Variants in SPATA17 observed in about 807,000 individuals in gnomAD.
SPATA17 encodes the protein spermatogenesis-associated protein 17.
Under a neutral mutation model 62.2 loss-of-function variants are expected in SPATA17, and 53 were observed. The ratio of observed to expected loss-of-function variants is 0.85; its 90% confidence interval spans 0.68 to 1.07. SPATA17 has a LOEUF of 1.07. SPATA17 is among the 50% of genes least tolerant of loss of function. The probability of loss-of-function intolerance (pLI) is 0.00; values close to 1 mark genes in which losing one functional copy is unlikely to be tolerated. For synonymous variants in SPATA17, 146 were observed against 146.8 expected (o/e 0.99, Z 0.04); for missense variants, 466 against 425.5 (o/e 1.10, Z -0.84).
chr1:217,855,671 A>C (rs774440667), intron 9 of SPATA17, among the ~76,000 whole-genome samples: 1 of 152,056 alleles, frequency 6.6e-6, no homozygotes, highest in Admixed American at 6.6e-5. Context: ...TGTCAAGTCC[A>C]TAAAGATGGG....
intron 9 of SPATA17, among the ~76,000 whole-genome samples, chr1:217,855,293 A>G (rs2103013870): frequency 6.6e-6 from 1 of 152,304 alleles, no homozygotes; most frequent in South Asian, 2.1e-4. Flanking sequence ...ATCTTTGTAT[A>G]TGAAAATAAT....
chr1:217,650,037 T>C (rs961307034), intron 2 of SPATA17, among the ~76,000 whole-genome samples: 20 of 151,652 alleles, frequency 1.3e-4, no homozygotes, highest in African/African-American at 4.4e-4. Context: ...CCTCCCAGAT[T>C]CAAGCGATTC....
intron 7 of SPATA17, among the ~76,000 whole-genome samples, chr1:217,776,171 C>A (rs541422305): frequency 6.6e-6 from 1 of 152,066 alleles, no homozygotes; most frequent in East Asian, 1.9e-4. Flanking sequence ...GATTGTAGTA[C>A]AACAGGTTTG....
chr1:217,834,497 T>A (rs72730510), intron 9 of SPATA17, among the ~76,000 whole-genome samples: 10,986 of 152,126 alleles, frequency 0.072, 456 homozygotes, highest in East Asian at 0.14. Context: ...CATGACCCTG[T>A]GTAGGCCTAG....
intron 1 of SPATA17, among the ~76,000 whole-genome samples, chr1:217,636,148 A>AAAAAAAGGGTG (rs1669934892): frequency 2.0e-5 from 3 of 148,202 alleles, no homozygotes; most frequent in African/African-American, 7.3e-5. Flanking sequence ...AAAAAAAAAA[A>AAAAAAAGGGTG]AAGGGTGTTT....
chr1:217,829,247 T>TA (rs529928041), intron 9 of SPATA17, among the ~76,000 whole-genome samples: 14 of 152,046 alleles, frequency 9.2e-5, no homozygotes, highest in African/African-American at 1.4e-4. Context: ...ATTATTATTT[T>TA]AAAAAGCTTT....
intron 5 of SPATA17, among the ~76,000 whole-genome samples, chr1:217,727,268 T>TAAG (rs1558581773): frequency 6.7e-6 from 1 of 148,574 alleles, no homozygotes; most frequent in African/African-American, 2.5e-5. Flanking sequence ...ATAATAATAA[T>TAAG]AATAATAATA....
chr1:217,791,686 AG>A (rs1673997568), intron 8 of SPATA17, among the ~76,000 whole-genome samples: 1 of 152,346 alleles, frequency 6.6e-6, no homozygotes, highest in African/African-American at 2.4e-5. Context: ...TCATCAGACA[AG>A]TCATAAAAAG....
At chr1:217,846,847 A>G (rs1675540953) in intron 9 of SPATA17, among the ~76,000 whole-genome samples, 1 of 152,112 alleles carries the variant, frequency 6.6e-6, no homozygotes, top group South Asian at 2.1e-4. Context: ...AGCAACTTAC[A>G]TATAATTCAT....
chr1:217,822,228 T>A (rs1322674057), intron 9 of SPATA17, among the ~76,000 whole-genome samples: 1 of 152,092 alleles, frequency 6.6e-6, no homozygotes, highest in Non-Finnish European at 1.5e-5. Context: ...CTCTACATTC[T>A]CATCAACACT....
At chr1:217,657,712 A>G (rs1670474519) in intron 3 of SPATA17, among the ~76,000 whole-genome samples, 1 of 152,252 alleles carries the variant, frequency 6.6e-6, no homozygotes, top group Non-Finnish European at 1.5e-5. Flanking sequence ...TTAGTAATAG[A>G]ACCTCCTCTA....
chr1:217,724,818 G>T (rs926713546), intron 5 of SPATA17, among the ~76,000 whole-genome samples: 2 of 151,640 alleles, frequency 1.3e-5, no homozygotes, highest in African/African-American at 2.4e-5. Flanking sequence ...GTTTATATTT[G>T]TTCTGTTTGC....
chr1:217,683,471 C>T (rs1671145562), intron 5 of SPATA17, 110 bp downstream of exon 5: 1 of 720,736 alleles, frequency 1.4e-6, no homozygotes, highest in Non-Finnish European at 2.4e-6. Flanking sequence ...TGGAGTCTTG[C>T]TCTGTTGCCC....
chr1:217,649,882 G>A (rs1401221941), intron 2 of SPATA17, among the ~76,000 whole-genome samples: 2 of 148,820 alleles, frequency 1.3e-5, no homozygotes, highest in African/African-American at 5.0e-5. Flanking sequence ...TCCTTATACT[G>A]TCTAGTAAGA....
At chr1:217,840,884 ATAATAG>A (rs1675379253) in intron 9 of SPATA17, among the ~76,000 whole-genome samples, 2 of 151,910 alleles carry the variant, frequency 1.3e-5, no homozygotes, top group African/African-American at 4.8e-5. Flanking sequence ...TAAAATAATA[ATAATAG>A]TAACAATAAT....
intron 6 of SPATA17, among the ~76,000 whole-genome samples, chr1:217,749,969 C>CTATATA: frequency 1.3e-4 from 6 of 46,936 alleles, no homozygotes; most frequent in South Asian, 6.0e-4. Context: ...CTCTCTCTCT[C>CTATATA]TCTCTCTCTC....
intron 9 of SPATA17, among the ~76,000 whole-genome samples, chr1:217,842,171 A>G (rs1431431413): frequency 6.6e-6 from 1 of 151,986 alleles, no homozygotes; most frequent in Non-Finnish European, 1.5e-5. Flanking sequence ...AACTCTAATC[A>G]TGAGATACTT....
chr1:217,781,081 T>C (rs1387239627), intron 7 of SPATA17: 1 of 152,194 alleles, frequency 6.6e-6, no homozygotes, highest in Non-Finnish European at 1.5e-5. Context: ...CCTGTCCAGC[T>C]GTGAAAAGTA....
chr1:217,733,792 C>A lies in SPATA17; in HGVS notation c.396-8183C>A, dbSNP rs202095489. ...TCCTTTCATTTTTTAATGAGAGGAC[C>A]TTTCTGAATGTTTTTAAAATGTTAA... is the stretch of plus-strand genomic sequence containing the variant. On this transcript the variant is annotated intron_variant, in intron 5 of 10. Transcript: ENST00000366933. Among the ~76,000 whole-genome samples, 9 of 152,110 alleles carry A rather than the reference C, an allele frequency of 5.9e-5. No individual in the cohort carries two copies. In the East Asian group the frequency reaches 1.5e-3, roughly 26 times the overall value.
Sources: allele counts gnomAD v4.1 joint callset (sites outside exome capture counted in the v4.1 genomes callset), GRCh38; gene constraint gnomAD v4.1.1; transcripts MANE v1.5; gene names NCBI Gene and HGNC (gene_info 2026-07-23, HGNC 2026-07-21).